CCL25: variants seen among roughly 807,000 people sequenced by gnomAD.
CCL25 encodes C-C motif chemokine ligand 25.
Under a neutral mutation model 19.9 loss-of-function variants are expected in CCL25, and 14 were observed. The observed-to-expected ratio is 0.70, with a 90% confidence interval of 0.47 to 1.10. CCL25 has a LOEUF of 1.10. Among genes scored for constraint, CCL25 ranks in the 50% least tolerant of loss-of-function variants. The pLI, the probability that CCL25 is intolerant of heterozygous loss-of-function variation, is 0.00. For synonymous variants in CCL25, 68 were observed against 73.2 expected, an observed-to-expected ratio of 0.93 and a Z score of 0.36; for missense variants, 151 against 181.2, an observed-to-expected ratio of 0.83 and a Z score of 0.96.
rs868389345 is a variant in CCL25, at chr19:8,059,174, A to C, written c.445+1254A>C. On this transcript the variant is annotated intron_variant, in intron 5 of 5. Transcript: ENST00000315626. ...ATAATATATATAATATATAATATAT[A>C]TAATATATAAATATATATATTATAT... 3.8e-3 allele frequency among the ~76,000 whole-genome samples: 468 copies of C among 121,798 alleles called. 4 individuals are homozygous for C. The highest frequency in any genetic ancestry group is 0.014 in the African/African-American group (438 of 31,240). The allele number at this position is 121,798 out of a possible 152,430, so 79.9% of individuals were successfully genotyped here.
chr19:8,060,006 A>G (rs530732542), intron 5 of CCL25, among the ~76,000 whole-genome samples: 1 of 152,014 alleles, frequency 6.6e-6, no homozygotes, highest in Admixed American at 6.6e-5. Flanking sequence ...GGAGAATGGC[A>G]TGAACCTGGG....
At chr19:8,061,978 A>C (rs752346267) in intron 5 of CCL25, among the ~76,000 whole-genome samples, 5 of 144,804 alleles carry the variant, frequency 3.5e-5, no homozygotes, top group Non-Finnish European at 7.5e-5. Flanking sequence ...TGAGTCCTGG[A>C]GGCGGAGGTT....
At chr19:8,060,088 C>CTAAA (rs1188652552) in intron 5 of CCL25, among the ~76,000 whole-genome samples, 3 of 150,344 alleles carry the variant, frequency 2.0e-5, no homozygotes, top group South Asian at 2.1e-4. Flanking sequence ...GACTCTGTCT[C>CTAAA]TAAATAAATA....
At position 8,056,759 on chromosome 19, in the gene CCL25, G is replaced by A. The variant is rs916538350; in HGVS notation, c.325+260G>A. ...CAGTAGCATGATCATAGCTCACTGC[G>A]GCCTCAAACTTGTGGGTTCAAGCAA... On this transcript the variant is annotated intron_variant, in intron 4 of 5. Coordinates refer to ENST00000315626, the MANE Select transcript of CCL25 (RefSeq NM_005624.4). Among the ~76,000 whole-genome samples, 8 of 151,840 alleles carry A rather than the reference G, an allele frequency of 5.3e-5. No homozygotes were observed. The South Asian group carries it at 6.2e-4, about 12-fold the overall frequency.
At chr19:8,058,957 CTAAATATATAAATATATAATA>C (rs1182004378) in intron 5 of CCL25, among the ~76,000 whole-genome samples, 1,412 of 126,544 alleles carry the variant, frequency 0.011, 12 homozygotes, top group Non-Finnish European at 0.018. Flanking sequence ...CGCGCCCAGC[CTAAATATATAAATATATAATA>C]TAAATATATA....
In CCL25 at chr19:8,053,109, T is replaced by G. The variant is rs763857332; in HGVS notation, c.60T>G (p.Ala20=). The change falls in exon 2 of 6, where the codon GCT becomes GCG. Residue 20 remains alanine, a synonymous_variant. Transcript: ENST00000315626. The part of the protein sequence containing the change: ...VAGFLGAWAP[A]VHTQGVFEDC... ...GCTTCCTGGGAGCCTGGGCCCCCGCTGTCCACACCCAAGGTACTGTGTTCG... is the reference window on the plus strand; with the variant it reads ...GCTTCCTGGGAGCCTGGGCCCCCGCGGTCCACACCCAAGGTACTGTGTTCG... The G allele has an allele frequency of 1.3e-6, 2 of 1,556,144 alleles. No homozygotes were observed. Among genetic ancestry groups the G allele is most frequent in the South Asian group, 2.4e-5 (2 of 84,380 alleles).
In CCL25 at chr19:8,058,893, C is replaced by T. The variant is rs529361861; in HGVS notation, c.445+973C>T. Among the ~76,000 whole-genome samples, 950 of 139,782 alleles carry T rather than the reference C, an allele frequency of 6.8e-3. 11 individuals are homozygous for T. Among genetic ancestry groups the T allele is most frequent in the African/African-American group, 0.024 (898 of 37,900 alleles). 91.7% of individuals were successfully genotyped at this position (139,782 alleles called of 152,430 possible). A position where few individuals can be genotyped will look rare whatever the true frequency, so the allele number is the denominator to read the frequency against. On this transcript the variant is annotated intron_variant, in intron 5 of 5. Coordinates refer to ENST00000315626, the MANE Select transcript of CCL25 (RefSeq NM_005624.4). ...CAGGATGGTCTCGATCTCCTGACTT[C>T]GTGACCCACCCGCCTTGGCCTCCCA...
At chr19:8,059,074 T>C (rs1162769494) in intron 5 of CCL25, among the ~76,000 whole-genome samples, 596 of 34,342 alleles carry the variant, frequency 0.017, 7 homozygotes, top group African/African-American at 0.037. Context: ...ATATAATATA[T>C]AATATATATA....
At chr19:8,056,086 C>A in intron 2 of CCL25, 66 bp from the exon 3 acceptor site, 3 of 1,085,304 alleles carry the variant, frequency 2.8e-6, no homozygotes, top group Non-Finnish European at 2.7e-6. Context: ...GGTGCCCTTG[C>A]CTGTGGCTGG....
chr19:8,056,334 C>T (rs1319082073), intron 3 of CCL25, 32 bp from the exon 4 acceptor site: 2 of 1,611,722 alleles, frequency 1.2e-6, no homozygotes, highest in South Asian at 1.1e-5. Context: ...AGCCTACACC[C>T]TAACCTGGGC....
intron 2 of CCL25, among the ~76,000 whole-genome samples, chr19:8,055,359 G>A (rs1362960142): frequency 5.5e-5 from 8 of 146,104 alleles, no homozygotes; most frequent in African/African-American, 1.0e-4. Context: ...GTTTTGAGAC[G>A]GTGTCTCACT....
intron 2 of CCL25, among the ~76,000 whole-genome samples, chr19:8,055,731 A>G (rs943451238): frequency 6.6e-6 from 1 of 152,116 alleles, no homozygotes; most frequent in Non-Finnish European, 1.5e-5. Context: ...TCAGCCTCCC[A>G]AAGTGCTGGG....
rs751929779 is a variant in CCL25, at chr19:8,057,838, C to G, written c.363C>G (p.Asn121Lys). The G allele has an allele frequency of 6.2e-7, 1 of 1,613,580 alleles. No homozygotes were observed. Among genetic ancestry groups the G allele is most frequent in the Non-Finnish European group, 8.5e-7 (1 of 1,179,614 alleles). Residue 121 changes from asparagine (N) to lysine (K), a missense_variant, in exon 5 of 6, where the codon AAC becomes AAG. Coordinates refer to ENST00000315626, the MANE Select transcript of CCL25 (RefSeq NM_005624.4). The stretch of plus-strand genomic sequence containing the variant: ...CTGTAAAGAAGTTGAGTTCTGGAAA[C>G]TCCAAGTTATCATCGTCCAAGTTTA... ...PHAVKKLSSGNSKLSSSKFSN... is the reference protein window; with the variant it reads ...PHAVKKLSSGKSKLSSSKFSN...
At chr19:8,053,310 C>A (rs1369424820) in intron 2 of CCL25, among the ~76,000 whole-genome samples, 188 bp downstream of exon 2, 1 of 152,102 alleles carries the variant, frequency 6.6e-6, no homozygotes, top group African/African-American at 2.4e-5. Flanking sequence ...TGGAGAGTCC[C>A]CAGTTCCTTC....
At chr19:8,058,365 AATAT>A (rs1397117353) in intron 5 of CCL25, among the ~76,000 whole-genome samples, 3 of 127,304 alleles carry the variant, frequency 2.4e-5, no homozygotes, top group African/African-American at 9.0e-5. Context: ...GTAAATATAT[AATAT>A]ATAAATATAT....
chr19:8,060,286 A>G (rs757470751), intron 5 of CCL25, among the ~76,000 whole-genome samples: 12 of 152,028 alleles, frequency 7.9e-5, no homozygotes, highest in Admixed American at 3.3e-4. Flanking sequence ...GGTTGCAGTG[A>G]GCTATGATCA....
Position 8,059,450 on chromosome 19 carries a change from C to T in CCL25, c.445+1530C>T, listed in dbSNP as rs184057307. ...CTGGCCTCAAGCAATTCTCCCACCT[C>T]GGCCCCCCAAAGTGCTGGGATTGCA... On this transcript the variant is annotated intron_variant, in intron 5 of 5. Coordinates refer to ENST00000315626, the MANE Select transcript of CCL25 (RefSeq NM_005624.4). Among the ~76,000 whole-genome samples, 375 of 151,636 alleles carry T rather than the reference C, an allele frequency of 2.5e-3. 1 individual carries two copies. The highest frequency in any genetic ancestry group is 8.6e-3 in the African/African-American group (357 of 41,360).
At position 8,056,423 on chromosome 19, in the gene CCL25, G is replaced by T. The variant is rs181196755; in HGVS notation, c.249G>T (p.Val83=). ...GTGGGAACCCCAAAAGCAGGGAGGT[G>T]CAGAGAGCCATGAAGCTCCTGGATG... ...KVCGNPKSRE[V]QRAMKLLDAR... Residue 83 remains valine (V), a synonymous_variant, in exon 4 of 6, where the codon GTG becomes GTT. Transcript: ENST00000315626. The T allele has an allele frequency of 1.9e-6, 3 of 1,614,074 alleles. No individual in the cohort carries two copies. The South Asian group carries it at 3.3e-5, about 18-fold the overall frequency.
chr19:8,056,346 C>G lies in CCL25; in HGVS notation c.192-20C>G. On this transcript the variant is annotated intron_variant, in intron 3 of 5. Transcript: ENST00000315626. ...GCCAGCCTACACCCTAACCTGGGCA[C>G]CCCCCTCTGCTCACCACAGATTCTA... 1 of 1,611,750 alleles carries G rather than the reference C, an allele frequency of 6.2e-7. No homozygotes were observed. Among genetic ancestry groups the G allele is most frequent in the Admixed American group, 1.7e-5 (1 of 59,774 alleles).
Sources: allele counts gnomAD v4.1 joint callset (sites outside exome capture counted in the v4.1 genomes callset), GRCh38; gene constraint gnomAD v4.1.1; transcripts MANE v1.5; gene names NCBI Gene and HGNC (gene_info 2026-07-23, HGNC 2026-07-21).